SPON1: variants seen among roughly 807,000 people sequenced by gnomAD.
SPON1 encodes the protein spondin 1, also known as spondin-1.
In SPON1, 52 loss-of-function variants were observed where a neutral mutation model predicts 111.7. That is an observed-to-expected ratio of 0.47 (90% CI 0.37 to 0.59). The LOEUF is 0.59. SPON1 is among the 20% of genes least tolerant of loss of function. SPON1 has a pLI of 0.00. For missense variants in SPON1, 957 were observed against 1,068.5 expected, an observed-to-expected ratio of 0.90 and a Z score of 1.46; for synonymous variants, 410 against 395.8, an observed-to-expected ratio of 1.04 and a Z score of -0.43.
intron 6 of SPON1, among the ~76,000 whole-genome samples, chr11:14,179,168 T>C (rs1848212105): frequency 6.6e-6 from 1 of 152,222 alleles, no homozygotes; most frequent in Admixed American, 6.5e-5. Flanking sequence ...CATTGGGATT[T>C]GCACACAGAT....
At chr11:14,027,003 G>A (rs1482472802) in intron 2 of SPON1, among the ~76,000 whole-genome samples, 5 of 152,176 alleles carry the variant, frequency 3.3e-5, no homozygotes, top group African/African-American at 1.2e-4. Flanking sequence ...TCTGGGAGAG[G>A]CAAGATGATA....
At chr11:13,992,178 G>A (rs1315518915) in intron 2 of SPON1, among the ~76,000 whole-genome samples, 1 of 152,208 alleles carries the variant, frequency 6.6e-6, no homozygotes. Flanking sequence ...CTTTCCCCAG[G>A]TGCTCTGTCC....
chr11:14,166,017 T>C (rs117118501), intron 6 of SPON1, among the ~76,000 whole-genome samples: 2 of 150,706 alleles, frequency 1.3e-5, no homozygotes, highest in East Asian at 2.0e-4. Flanking sequence ...TAACTTGGGG[T>C]TCCTGGGCCT....
intron 5 of SPON1, among the ~76,000 whole-genome samples, chr11:14,088,716 T>A (rs1461824183): frequency 6.6e-6 from 1 of 152,194 alleles, no homozygotes; most frequent in Non-Finnish European, 1.5e-5. Flanking sequence ...GATAATATCC[T>A]GAAGTGTGTT....
At chr11:14,125,622 A>G (rs1286602649) in intron 5 of SPON1, among the ~76,000 whole-genome samples, 1 of 152,252 alleles carries the variant, frequency 6.6e-6, no homozygotes, top group Non-Finnish European at 1.5e-5. Context: ...ATGAATGAGT[A>G]TCAAGGAAAT....
chr11:14,173,524 C>T (rs933854490), intron 6 of SPON1, among the ~76,000 whole-genome samples: 2 of 152,106 alleles, frequency 1.3e-5, no homozygotes, highest in South Asian at 2.1e-4. Context: ...AGCTTTGTTC[C>T]GTTGCTGATG....
intron 1 of SPON1, among the ~76,000 whole-genome samples, chr11:13,972,649 G>C (rs1055076872): frequency 2.6e-5 from 4 of 152,148 alleles, no homozygotes; most frequent in African/African-American, 7.2e-5. Flanking sequence ...CAAGAGATCT[G>C]CTGTCATCCC....
At chr11:14,102,974 T>C (rs1425735018) in intron 5 of SPON1, among the ~76,000 whole-genome samples, 1 of 152,218 alleles carries the variant, frequency 6.6e-6, no homozygotes, top group Non-Finnish European at 1.5e-5. Flanking sequence ...TTGCATTCTC[T>C]TTCGCTAGTT....
rs1230297013 is a variant in SPON1 at position 14,260,854 on chromosome 11, G to A, written c.1996+102G>A. On this transcript the variant is annotated intron_variant, in intron 14 of 15. Coordinates refer to ENST00000576479, the MANE Select transcript of SPON1 (RefSeq NM_006108.4). ...TACTGCTAGATCCTAGAATAACATG[G>A]TTTGCTGGGGAAGAGTTTGGGGTTT... The A allele has an allele frequency of 4.6e-6, 6 of 1,313,546 alleles. No homozygotes were observed. In the African/African-American group the frequency reaches 5.9e-5, roughly 13 times the overall value. The allele number at this position is 1,313,546 out of a possible 1,614,324, so 81.4% of individuals were successfully genotyped here. A position where few individuals can be genotyped will look rare whatever the true frequency, so the allele number is the denominator to read the frequency against.
intron 3 of SPON1, among the ~76,000 whole-genome samples, chr11:14,074,983 G>A (rs1848905545): frequency 6.6e-6 from 1 of 152,102 alleles, no homozygotes; most frequent in South Asian, 2.1e-4. Context: ...TCTATAAATG[G>A]CCTCAATAGT....
Position 14,266,483 on chromosome 11 carries a change from G to T in SPON1, c.*796G>T, listed in dbSNP as rs1447678343. ...GGAAGCCAGCCTTCTGAACTTTTTG[G>T]TACTAAATCCTTATTGGAACCAAGA... On this transcript the variant is annotated 3_prime_UTR_variant, in exon 16 of 16. Coordinates refer to ENST00000576479, the MANE Select transcript of SPON1 (RefSeq NM_006108.4). The T allele has an allele frequency of 6.6e-6, 1 of 151,984 alleles. No individual in the cohort carries two copies. The highest frequency in any genetic ancestry group is 1.5e-5 in the Non-Finnish European group (1 of 68,008). The allele number at this position is 151,984 out of a possible 1,614,324, so 9.4% of individuals were successfully genotyped here. A position where few individuals can be genotyped will look rare whatever the true frequency, so the allele number is the denominator to read the frequency against.
chr11:14,176,031 C>CTA (rs1848170776), intron 6 of SPON1, among the ~76,000 whole-genome samples: 1 of 152,134 alleles, frequency 6.6e-6, no homozygotes, highest in Non-Finnish European at 1.5e-5. Flanking sequence ...TTGATCTACT[C>CTA]TATGTGGGGA....
chr11:14,075,310 C>G (rs782177713), intron 3 of SPON1, 35 bp from the exon 4 acceptor site: 3 of 1,532,220 alleles, frequency 2.0e-6, no homozygotes, highest in South Asian at 1.2e-5. Flanking sequence ...TTCCTGCCCT[C>G]CTCACCACTG....
intron 3 of SPON1, among the ~76,000 whole-genome samples, chr11:14,044,780 G>C (rs1554917673): frequency 6.6e-6 from 1 of 152,182 alleles, no homozygotes; most frequent in African/African-American, 2.4e-5. Context: ...GGGAATTTAA[G>C]GTTACACAAA....
intron 6 of SPON1, among the ~76,000 whole-genome samples, chr11:14,195,937 C>T (rs782271948): frequency 1.3e-5 from 2 of 152,148 alleles, no homozygotes; most frequent in Non-Finnish European, 2.9e-5. Context: ...ATTCTTAGTG[C>T]TTTTAATACA....
intron 5 of SPON1, among the ~76,000 whole-genome samples, chr11:14,087,395 G>T (rs1849015305): frequency 6.6e-6 from 1 of 152,016 alleles, no homozygotes; most frequent in Admixed American, 6.6e-5. Flanking sequence ...CCTTAATTTT[G>T]TTATTTACCC....
chr11:14,226,417 C>G (rs139373542), intron 6 of SPON1, among the ~76,000 whole-genome samples: 1 of 152,212 alleles, frequency 6.6e-6, no homozygotes, highest in Non-Finnish European at 1.5e-5. Context: ...GCTGGCAACA[C>G]AGTACACTGT....
intron 9 of SPON1, among the ~76,000 whole-genome samples, chr11:14,256,065 G>A (rs1166079134): frequency 1.3e-5 from 2 of 152,164 alleles, no homozygotes; most frequent in African/African-American, 2.4e-5. Context: ...TGGCCAACAT[G>A]GTGAAACCCC....
intron 5 of SPON1, among the ~76,000 whole-genome samples, chr11:14,121,890 G>GTT (rs202053982): frequency 2.7e-4 from 40 of 147,614 alleles, no homozygotes; most frequent in East Asian, 2.0e-3. Flanking sequence ...TAGGCTGACA[G>GTT]TTTTTTTTTT....
Sources: gnomAD v4.1 joint callset for allele counts (sites outside exome capture counted in the v4.1 genomes callset) on GRCh38, gnomAD v4.1.1 for gene constraint, MANE v1.5 for transcripts, NCBI Gene and HGNC (gene_info 2026-07-23, HGNC 2026-07-21) for gene names.